The following PARD3 variants were observed in gnomAD, a reference collection of about 807,000 sequenced individuals.
The protein encoded by PARD3 is partitioning defective 3 homolog.
PARD3 carries 75 observed loss-of-function variants against 155.4 expected under a neutral mutation model. That is an observed-to-expected ratio of 0.48 (90% confidence interval 0.40 to 0.58). The LOEUF (loss-of-function observed/expected upper bound fraction) is 0.58, where lower values mean the gene tolerates loss of function less well. Ranked by LOEUF, PARD3 falls within the 20% of genes least tolerant of loss-of-function variation. The pLI is 0.00. For missense variants in PARD3, 1,642 were observed against 1,721.7 expected (o/e 0.95, Z 0.82); for synonymous variants, 576 against 610.5 (o/e 0.94, Z 0.83).
intron 1 of PARD3, among the ~76,000 whole-genome samples, chr10:34,798,150 T>C (rs1408294432): frequency 7.3e-6 from 1 of 137,834 alleles, no homozygotes; most frequent in Non-Finnish European, 1.5e-5. Context: ...CAAGAACCCA[T>C]CTCTACAAAA....
rs573897616 is a variant in PARD3 at position 34,567,228 on chromosome 10, T to C, written c.223-50069A>G. On this transcript the variant is annotated intron_variant, in intron 2 of 24. Coordinates refer to ENST00000374788, the MANE Select transcript of PARD3 (RefSeq NM_001184785.2). ...AATGATACTGAACAAAGTACTGATATCAACATTTATATTTGTATTATGCGA... is the reference window on the plus strand; with the variant it reads ...AATGATACTGAACAAAGTACTGATACCAACATTTATATTTGTATTATGCGA... Among the ~76,000 whole-genome samples, 178 of 152,350 alleles carry C rather than the reference T, an allele frequency of 1.2e-3. 1 individual carries two copies. The highest frequency in any genetic ancestry group is 4.0e-3 in the African/African-American group (167 of 41,592).
intron 12 of PARD3, among the ~76,000 whole-genome samples, chr10:34,361,875 G>A (rs1423896643): frequency 6.6e-6 from 1 of 152,016 alleles, no homozygotes; most frequent in Non-Finnish European, 1.5e-5. Context: ...CTCAAAATAA[G>A]AATCTGAAAA....
At chr10:34,115,239 A>G (rs1251863003) in intron 24 of PARD3, among the ~76,000 whole-genome samples, 1 of 152,162 alleles carries the variant, frequency 6.6e-6, no homozygotes, top group Non-Finnish European at 1.5e-5. Context: ...GGTGAGGTAT[A>G]CAAGGCTTTC....
chr10:34,192,390 C>T (rs1588697413), intron 22 of PARD3, among the ~76,000 whole-genome samples: 2 of 152,212 alleles, frequency 1.3e-5, no homozygotes, highest in East Asian at 3.9e-4. Flanking sequence ...GAGCCACCGT[C>T]CCCAGCCCTG....
chr10:34,340,133 C>T (rs1157794716), intron 16 of PARD3, among the ~76,000 whole-genome samples: 2 of 152,154 alleles, frequency 1.3e-5, no homozygotes, highest in South Asian at 2.1e-4. Flanking sequence ...CAAAATTATC[C>T]AAGTCCTCAC....
At chr10:34,430,888 T>C (rs954738695) in intron 5 of PARD3, among the ~76,000 whole-genome samples, 8 of 152,178 alleles carry the variant, frequency 5.3e-5, no homozygotes, top group Admixed American at 1.3e-4. Context: ...TCACAGGGTG[T>C]GACACAGAGG....
intron 2 of PARD3, among the ~76,000 whole-genome samples, chr10:34,682,953 G>A (rs537669422): frequency 1.2e-3 from 190 of 152,316 alleles, no homozygotes; most frequent in Non-Finnish European, 1.9e-3. Context: ...TGGTGGTGGT[G>A]GTGGTGATGG....
chr10:34,346,878 A>C (rs1301908842), intron 15 of PARD3, among the ~76,000 whole-genome samples: 1 of 152,262 alleles, frequency 6.6e-6, no homozygotes. Context: ...GAAGAAAAAC[A>C]GACAATTCTA....
At chr10:34,119,122 G>A (rs527984049) in intron 24 of PARD3, among the ~76,000 whole-genome samples, 1 of 152,142 alleles carries the variant, frequency 6.6e-6, no homozygotes, top group Non-Finnish European at 1.5e-5. Flanking sequence ...ACATGGGTGA[G>A]AGCAGTGATG....
chr10:34,509,502 C>A (rs887920099), intron 3 of PARD3, among the ~76,000 whole-genome samples: 20 of 152,032 alleles, frequency 1.3e-4, no homozygotes, highest in African/African-American at 4.8e-4. Context: ...AACAGAAAAA[C>A]AAATTTTTAG....
At chr10:34,553,887 T>C (rs2084790582) in intron 2 of PARD3, among the ~76,000 whole-genome samples, 2 of 152,328 alleles carry the variant, frequency 1.3e-5, no homozygotes, top group African/African-American at 2.4e-5. Context: ...CTTGAGGCTC[T>C]GATAAGGTAA....
At chr10:34,632,835 G>A (rs1267969959) in intron 2 of PARD3, among the ~76,000 whole-genome samples, 2 of 152,152 alleles carry the variant, frequency 1.3e-5, no homozygotes, top group African/African-American at 2.4e-5. Context: ...TTATCATTCC[G>A]ATTGTGATTT....
chr10:34,402,476 G>A (rs1029369309), intron 5 of PARD3, among the ~76,000 whole-genome samples: 12 of 152,082 alleles, frequency 7.9e-5, no homozygotes, highest in African/African-American at 2.2e-4. Flanking sequence ...GCTTCATCCC[G>A]TAAAATTTCA....
intron 1 of PARD3, among the ~76,000 whole-genome samples, chr10:34,775,026 G>T (rs936459841): frequency 6.6e-6 from 1 of 152,172 alleles, no homozygotes; most frequent in Admixed American, 6.5e-5. Flanking sequence ...GTGAAAACAA[G>T]TGCCAAACAA....
At chr10:34,768,929 C>T (rs1838484716) in intron 1 of PARD3, among the ~76,000 whole-genome samples, 2 of 152,220 alleles carry the variant, frequency 1.3e-5, no homozygotes, top group Admixed American at 1.3e-4. Context: ...CAGTTCACGT[C>T]ACCCTCGGTG....
chr10:34,653,223 T>C (rs955381273), intron 2 of PARD3, among the ~76,000 whole-genome samples: 2 of 152,088 alleles, frequency 1.3e-5, no homozygotes, highest in African/African-American at 4.8e-5. Flanking sequence ...TAAAAAAAGA[T>C]AATATCTGAG....
At position 34,119,749 on chromosome 10, in the gene PARD3, G is replaced by A. The variant is rs1264718439; in HGVS notation, c.3541-9C>T. 6.2e-7 allele frequency: 1 copy of A among 1,608,532 alleles called. No individual in the cohort carries two copies. The highest frequency in any genetic ancestry group is 8.5e-7 in the Non-Finnish European group (1 of 1,176,122). On this transcript the variant is annotated splice_polypyrimidine_tract_variant and intron_variant, in intron 23 of 24. Transcript: ENST00000374788. ...GCCGGCCGTGCGTTCGGCTGGAAGA[G>A]GAAAATACAAGCACATCGTTAACCA...
intron 2 of PARD3, among the ~76,000 whole-genome samples, chr10:34,551,191 T>A (rs1197866919): frequency 6.6e-6 from 1 of 152,114 alleles, no homozygotes; most frequent in Admixed American, 6.6e-5. Flanking sequence ...ATTTTGCACA[T>A]CCGTATGTCA....
chr10:34,227,858 A>T (rs1374218045), intron 22 of PARD3, among the ~76,000 whole-genome samples: 23 of 60,006 alleles, frequency 3.8e-4, no homozygotes, highest in East Asian at 1.4e-3. Context: ...ATTATTTTTT[A>T]TATATATATA....
Sources: allele counts gnomAD v4.1 joint callset (sites outside exome capture counted in the v4.1 genomes callset), GRCh38; gene constraint gnomAD v4.1.1; transcripts MANE v1.5; gene names NCBI Gene and HGNC (gene_info 2026-07-23, HGNC 2026-07-21).